ARIH2: variants seen among roughly 807,000 people sequenced by gnomAD.
ARIH2 encodes E3 ubiquitin-protein ligase ARIH2.
Under a neutral mutation model 79.8 loss-of-function variants are expected in ARIH2, and 12 were observed. The observed-to-expected ratio is 0.15, with a 90% CI of 0.10 to 0.24. The LOEUF is 0.24. Ranked by LOEUF, ARIH2 falls within the 10% of genes least tolerant of loss-of-function variation. The pLI is 1.00. For missense variants in ARIH2, 301 were observed against 618.3 expected (o/e 0.49, Z 5.44); for synonymous variants, 224 against 213.9 (o/e 1.05, Z -0.41).
At chr3:48,939,876 T>C (rs2087819402) in intron 3 of ARIH2, among the ~76,000 whole-genome samples, 1 of 152,008 alleles carries the variant, frequency 6.6e-6, no homozygotes, top group African/African-American at 2.4e-5. Context: ...TACATTCACA[T>C]TGTTATGCAA....
chr3:48,970,904 A>C, intron 8 of ARIH2, 200 bp downstream of exon 8: 1 of 484,148 alleles, frequency 2.1e-6, no homozygotes, highest in Non-Finnish European at 3.8e-6. Context: ...GTCTGGAGGC[A>C]AGGAAGTGAC....
chr3:48,918,909 G>T lies in ARIH2; in HGVS notation c.-251G>T, dbSNP rs1487726373. ...TGACCGGCGTCGGCCCGCCGCCTCC[G>T]CTGCCGCTTCGCCCCAATCCGGTCC... On this transcript the variant is annotated 5_prime_UTR_variant, in exon 1 of 16. Transcript: ENST00000356401. 6.2e-7 allele frequency: 1 copy of T among 1,600,808 alleles called. No homozygotes were observed. The highest frequency in any genetic ancestry group is 8.5e-7 in the Non-Finnish European group (1 of 1,177,016).
intron 3 of ARIH2, among the ~76,000 whole-genome samples, chr3:48,945,490 T>C (rs1177337326): frequency 6.6e-6 from 1 of 152,192 alleles, no homozygotes; most frequent in Non-Finnish European, 1.5e-5. Context: ...AAATAATAAC[T>C]GTTAAATTTC....
intron 3 of ARIH2, among the ~76,000 whole-genome samples, chr3:48,941,213 C>T (rs1204127431): frequency 6.6e-6 from 1 of 151,748 alleles, no homozygotes; most frequent in South Asian, 2.1e-4. Flanking sequence ...TATGAACATT[C>T]TCCTTTGAAT....
intron 7 of ARIH2, 55 bp from the exon 8 acceptor site, chr3:48,970,539 AT>A (rs1023239890): frequency 8.1e-7 from 1 of 1,231,492 alleles, no homozygotes; most frequent in South Asian, 1.2e-5. Context: ...GGGGGTTCTG[AT>A]TTTTAGACAG....
chr3:48,978,852 T>C (rs2092649708), intron 11 of ARIH2, among the ~76,000 whole-genome samples: 1 of 151,492 alleles, frequency 6.6e-6, no homozygotes, highest in Non-Finnish European at 1.5e-5. Flanking sequence ...TCCCAGCTAC[T>C]CGGGAGGCTG....
chr3:48,940,588 A>G (rs2087971119), intron 3 of ARIH2, among the ~76,000 whole-genome samples: 1 of 151,790 alleles, frequency 6.6e-6, no homozygotes, highest in Admixed American at 6.6e-5. Flanking sequence ...TATTAGTTCC[A>G]CCAGCCTGGC....
At position 48,970,697 on chromosome 3, in the gene ARIH2, G is replaced by A. The variant is rs1172186572; in HGVS notation, c.763G>A (p.Val255Ile). 4 of 1,613,520 alleles carry A rather than the reference G, an allele frequency of 2.5e-6. No individual in the cohort carries two copies. Among genetic ancestry groups the A allele is most frequent in the Non-Finnish European group, 3.4e-6 (4 of 1,179,496 alleles). ...RRVQCNRCNE[V>I]FCFKCRQMYH... ...AGTACAGTGCAATCGGTGCAACGAGGTCTTCTGGTAAGAGTGAGTGTGAGT... is the reference window on the plus strand; with the variant it reads ...AGTACAGTGCAATCGGTGCAACGAGATCTTCTGGTAAGAGTGAGTGTGAGT... The change falls in exon 8 of 16, where the codon GTC becomes ATC. Residue 255 changes from valine to isoleucine, a missense_variant. Val to Ile is a conservative substitution (Grantham distance 29). Around this residue, in one of 2 missense-constraint regions of ARIH2, gnomAD observed 223 missense variants for 349.4 expected, o/e 0.64. Coordinates refer to ENST00000356401, the MANE Select transcript of ARIH2 (RefSeq NM_006321.4).
intron 4 of ARIH2, among the ~76,000 whole-genome samples, chr3:48,964,689 G>A (rs2091603825): frequency 5.9e-5 from 9 of 152,114 alleles, no homozygotes; most frequent in Admixed American, 5.2e-4. Context: ...ATGAATTGAG[G>A]TTCTTAAATG....
chr3:48,954,062 G>T (rs192392606), intron 3 of ARIH2, among the ~76,000 whole-genome samples: 1 of 152,064 alleles, frequency 6.6e-6, no homozygotes, highest in African/African-American at 2.4e-5. Flanking sequence ...TTGGGAGGCC[G>T]AGACAGGAGA....
At chr3:48,945,517 C>CT (rs1170702319) in intron 3 of ARIH2, among the ~76,000 whole-genome samples, 1 of 151,912 alleles carries the variant, frequency 6.6e-6, no homozygotes, top group Non-Finnish European at 1.5e-5. Flanking sequence ...CTCGCAAAAC[C>CT]TTTTTTTTGA....
At chr3:48,955,654 A>G (rs1248535329) in intron 3 of ARIH2, among the ~76,000 whole-genome samples, 1 of 152,222 alleles carries the variant, frequency 6.6e-6, no homozygotes, top group Non-Finnish European at 1.5e-5. Flanking sequence ...TGTGAATACT[A>G]GTTCGTTCCT....
rs1362566759 is a variant in ARIH2 at position 48,920,399 on chromosome 3, G to T, written c.-162+1401G>T. ...TTTAAATGTGCACCTAGAACATTTA[G>T]TATGAAATGGAGTTCTCTCTCTTTT... On this transcript the variant is annotated intron_variant, in intron 1 of 15. Coordinates refer to ENST00000356401, the MANE Select transcript of ARIH2 (RefSeq NM_006321.4). Among the ~76,000 whole-genome samples, 5 of 139,512 alleles carry T rather than the reference G, an allele frequency of 3.6e-5. 1 individual carries two copies. Among genetic ancestry groups the T allele is most frequent in the African/African-American group, 1.3e-4 (5 of 38,018 alleles). 91.5% of individuals were successfully genotyped at this position (139,512 alleles called of 152,430 possible).
At chr3:48,975,822 C>A (rs1170912500) in intron 11 of ARIH2, among the ~76,000 whole-genome samples, 1 of 151,328 alleles carries the variant, frequency 6.6e-6, no homozygotes, top group Non-Finnish European at 1.5e-5. Flanking sequence ...CTTGGCCTCC[C>A]AAAGTGCTGG....
At chr3:48,950,153 A>G (rs1231638310) in intron 3 of ARIH2, among the ~76,000 whole-genome samples, 2 of 152,176 alleles carry the variant, frequency 1.3e-5, no homozygotes, top group Non-Finnish European at 2.9e-5. Context: ...TGTATAAACA[A>G]TTATTCAGTT....
At chr3:48,965,062 T>A in intron 5 of ARIH2, 80 bp downstream of exon 5, 1 of 1,387,870 alleles carries the variant, frequency 7.2e-7, no homozygotes, top group Non-Finnish European at 1.0e-6. Flanking sequence ...TTAAGAGCTA[T>A]CTTTACTTGG....
At chr3:48,968,683 G>C (rs548611033) in intron 7 of ARIH2, 28 bp downstream of exon 7, 20 of 1,596,112 alleles carry the variant, frequency 1.3e-5, no homozygotes, top group Admixed American at 3.4e-5. Flanking sequence ...TCTGCCCTCT[G>C]TCTTCCCGGG....
intron 3 of ARIH2, among the ~76,000 whole-genome samples, chr3:48,938,552 A>C (rs1434228365): frequency 6.6e-6 from 1 of 152,240 alleles, no homozygotes; most frequent in Non-Finnish European, 1.5e-5. Context: ...ATGCAAACTA[A>C]TCCATCATAA....
At chr3:48,939,006 C>G (rs997576853) in intron 3 of ARIH2, among the ~76,000 whole-genome samples, 2 of 151,644 alleles carry the variant, frequency 1.3e-5, no homozygotes, top group Non-Finnish European at 2.9e-5. Flanking sequence ...TGTTGCTCGT[C>G]CCCCAGGCTG....
Sources: gnomAD v4.1 joint callset for allele counts (sites outside exome capture counted in the v4.1 genomes callset) on GRCh38, gnomAD v4.1.1 for gene constraint, gnomAD v4.1.1 regional missense constraint, MANE v1.5 for transcripts, NCBI Gene and HGNC (gene_info 2026-07-23, HGNC 2026-07-21) for gene names.